The following ELL2 variants were observed in gnomAD, a reference collection of about 807,000 sequenced individuals.
ELL2 encodes the protein RNA polymerase II elongation factor ELL2.
In ELL2, 21 loss-of-function variants were observed where a neutral mutation model predicts 72.8. The observed-to-expected ratio is 0.29, with a 90% CI of 0.20 to 0.42. The LOEUF (loss-of-function observed/expected upper bound fraction) is 0.42. Among genes scored for constraint, ELL2 ranks in the 10% least tolerant of loss-of-function variants. The pLI, the probability that ELL2 is intolerant of heterozygous loss-of-function variation, is 1.00. For missense variants in ELL2, 568 were observed against 772.8 expected, an observed-to-expected ratio of 0.73 and a Z score of 3.14; for synonymous variants, 266 against 283.2, an observed-to-expected ratio of 0.94 and a Z score of 0.61.
In ELL2 at chr5:95,888,019, C is replaced by A. The variant is rs749743605; in HGVS notation, c.*852G>T. The A allele has an allele frequency of 6.6e-6, 1 of 152,596 alleles. No individual in the cohort carries two copies. Among genetic ancestry groups the A allele is most frequent in the Non-Finnish European group, 1.5e-5 (1 of 68,038 alleles). 9.5% of individuals were successfully genotyped at this position (152,596 alleles called of 1,614,324 possible). ...CAAAAAAACACCCTACAGTAACACT[C>A]GTCAGTTGTTTAACCTGAGCGTTTG... On this transcript the variant is annotated 3_prime_UTR_variant, in exon 12 of 12. Transcript: ENST00000237853.
intron 2 of ELL2, among the ~76,000 whole-genome samples, chr5:95,932,083 A>G (rs981367839): frequency 6.6e-6 from 1 of 151,824 alleles, no homozygotes; most frequent in Non-Finnish European, 1.5e-5. Flanking sequence ...CTGAAAATGC[A>G]TTCCTGAGGC....
chr5:95,948,339 A>G (rs1327301996), intron 1 of ELL2, among the ~76,000 whole-genome samples: 1 of 147,818 alleles, frequency 6.8e-6, no homozygotes, highest in Non-Finnish European at 1.5e-5. Context: ...CTGAGGCAGG[A>G]GAATGGCGTG....
rs115513759 is a variant in ELL2 at position 95,893,941 on chromosome 5, A to G, written c.1589+1687T>C. ...CAGATCCAGGAACCATCCTTAGATA[A>G]GTAACCTGAAAAAACCTTTTAAATA... On this transcript the variant is annotated intron_variant, in intron 9 of 11. Coordinates refer to ENST00000237853, the MANE Select transcript of ELL2 (RefSeq NM_012081.6). Among the ~76,000 whole-genome samples, 628 of 152,342 alleles carry G rather than the reference A, an allele frequency of 4.1e-3. 4 individuals are homozygous for G. Among genetic ancestry groups the G allele is most frequent in the African/African-American group, 0.014 (601 of 41,576 alleles).
chr5:95,903,208 CTTT>C (rs35628427), intron 5 of ELL2, among the ~76,000 whole-genome samples: 1,500 of 56,092 alleles, frequency 0.027, 19 homozygotes, highest in Admixed American at 0.057. Flanking sequence ...CTCTTAGGAC[CTTT>C]TTTTTTTTTT....
At chr5:95,895,493 CT>C (rs1169041868) in intron 9 of ELL2, 134 bp downstream of exon 9, 3 of 753,404 alleles carry the variant, frequency 4.0e-6, no homozygotes, top group Non-Finnish European at 6.7e-6. Context: ...AAATGGCAGC[CT>C]TTCAATTGCA....
At chr5:95,893,494 C>T (rs1311891579) in intron 9 of ELL2, among the ~76,000 whole-genome samples, 2 of 152,186 alleles carry the variant, frequency 1.3e-5, no homozygotes, top group Admixed American at 1.3e-4. Flanking sequence ...ACACCATTCT[C>T]CTGCCTCAGC....
In ELL2 at chr5:95,921,311, T is replaced by C. The variant is rs113160714; in HGVS notation, c.196-1766A>G. Reference sequence around the variant, plus strand: ...TTAAAAGGTCAAATTTCACCAAAGATACTATAGATAGATAATACTCCATAG... The same window carrying C: ...TTAAAAGGTCAAATTTCACCAAAGACACTATAGATAGATAATACTCCATAG... On this transcript the variant is annotated intron_variant, in intron 2 of 11. Transcript: ENST00000237853. Among the ~76,000 whole-genome samples the C allele has an allele frequency of 4.2e-3, 644 of 152,328 alleles. 8 individuals carry two copies. The highest frequency in any genetic ancestry group is 0.015 in the African/African-American group (619 of 41,572).
Position 95,927,370 on chromosome 5 carries a change from T to G in ELL2, c.196-7825A>C, listed in dbSNP as rs867566735. ...GTATGTGTATGTGTATATATAGACA[T>G]ACACACACACACGTGTGTATATATA... On this transcript the variant is annotated intron_variant, in intron 2 of 11. Coordinates refer to ENST00000237853, the MANE Select transcript of ELL2 (RefSeq NM_012081.6). 3.3e-5 allele frequency among the ~76,000 whole-genome samples: 3 copies of G among 90,878 alleles called. 1 individual carries two copies. The highest frequency in any genetic ancestry group is 5.9e-5 in the Non-Finnish European group (3 of 50,732). 59.6% of individuals were successfully genotyped at this position (90,878 alleles called of 152,430 possible). A position where few individuals can be genotyped will look rare whatever the true frequency, so the allele number is the denominator to read the frequency against.
intron 5 of ELL2, among the ~76,000 whole-genome samples, chr5:95,901,917 C>T (rs940510890): frequency 9.9e-5 from 15 of 152,204 alleles, no homozygotes; most frequent in African/African-American, 3.1e-4. Context: ...GGTCTCATCA[C>T]GTTTCTCAGA....
At chr5:95,929,827 C>A (rs6143071) in intron 2 of ELL2, among the ~76,000 whole-genome samples, 1 of 151,350 alleles carries the variant, frequency 6.6e-6, no homozygotes, top group Admixed American at 6.6e-5. Flanking sequence ...CACACAGCTG[C>A]CTGCTGTGTG....
chr5:95,890,804 ATAGT>A (rs1257146148), intron 10 of ELL2: 33 of 401,256 alleles, frequency 8.2e-5, no homozygotes, highest in Middle Eastern at 8.1e-4. Flanking sequence ...AATTAATCAA[ATAGT>A]TAGCTGAATC....
chr5:95,928,860 A>C lies in ELL2; in HGVS notation c.196-9315T>G, dbSNP rs1750490060. On this transcript the variant is annotated intron_variant, in intron 2 of 11. Coordinates refer to ENST00000237853, the MANE Select transcript of ELL2 (RefSeq NM_012081.6). The stretch of plus-strand genomic sequence containing the variant: ...TCTTCATGACTTCCTACTACTTATG[A>C]GTAGTAGATGTAAGCTTCTTAACAG... Among the ~76,000 whole-genome samples, 5 of 152,152 alleles carry C rather than the reference A, an allele frequency of 3.3e-5. No homozygotes were observed. In the South Asian group the frequency reaches 1.0e-3, roughly 32 times the overall value.
At chr5:95,958,605 C>G (rs990191034) in intron 1 of ELL2, among the ~76,000 whole-genome samples, 7 of 152,196 alleles carry the variant, frequency 4.6e-5, no homozygotes, top group Admixed American at 3.9e-4. Flanking sequence ...CATGGCTGAG[C>G]TGACAGTGAG....
chr5:95,918,084 T>C (rs1262587473), intron 3 of ELL2, among the ~76,000 whole-genome samples: 1 of 152,218 alleles, frequency 6.6e-6, no homozygotes, highest in East Asian at 1.9e-4. Flanking sequence ...AATGAAGGGA[T>C]TGACTCACAC....
chr5:95,936,211 T>C (rs1036752473), intron 2 of ELL2, among the ~76,000 whole-genome samples: 1 of 152,226 alleles, frequency 6.6e-6, no homozygotes, highest in Non-Finnish European at 1.5e-5. Flanking sequence ...GTAAATGTAT[T>C]TGAAGGCCAC....
intron 1 of ELL2, 128 bp from the exon 2 acceptor site, chr5:95,943,177 T>C (rs1751033263): frequency 1.7e-6 from 1 of 605,594 alleles, no homozygotes; most frequent in Admixed American, 4.0e-5. Context: ...TCCCAGCACT[T>C]TGGGAGGCTG....
At chr5:95,894,421 G>T (rs1293143939) in intron 9 of ELL2, among the ~76,000 whole-genome samples, 1 of 152,206 alleles carries the variant, frequency 6.6e-6, no homozygotes, top group East Asian at 1.9e-4. Flanking sequence ...ATTGGCAGTT[G>T]CTACTCAAGG....
chr5:95,896,753 G>C (rs1031969063), intron 8 of ELL2, among the ~76,000 whole-genome samples: 2 of 152,138 alleles, frequency 1.3e-5, no homozygotes, highest in African/African-American at 4.8e-5. Flanking sequence ...TATCGCAACT[G>C]GTTCTGAAAG....
chr5:95,919,828 G>A (rs1043475501), intron 2 of ELL2, among the ~76,000 whole-genome samples: 1 of 152,096 alleles, frequency 6.6e-6, no homozygotes, highest in South Asian at 2.1e-4. Flanking sequence ...TCATTTCAAA[G>A]TAGCAAATGG....
Sources: allele counts gnomAD v4.1 joint callset (sites outside exome capture counted in the v4.1 genomes callset), GRCh38; gene constraint gnomAD v4.1.1; transcripts MANE v1.5; gene names NCBI Gene and HGNC (gene_info 2026-07-23, HGNC 2026-07-21).